The following TRUB1 variants were observed in gnomAD, a reference collection of about 807,000 sequenced individuals.
The protein encoded by TRUB1 is TruB pseudouridine synthase family member 1.
In TRUB1, 23 loss-of-function variants were observed where a neutral mutation model predicts 33.9. The ratio of observed to expected loss-of-function variants is 0.68; its 90% confidence interval spans 0.49 to 0.96. The LOEUF is 0.96. TRUB1 is among the 40% of genes least tolerant of loss of function. The probability of loss-of-function intolerance (pLI) is 0.00; values close to 1 mark genes in which losing one functional copy is unlikely to be tolerated. For synonymous variants in TRUB1, 163 were observed against 165.4 expected (o/e 0.99, Z 0.11); for missense variants, 378 against 422.2 (o/e 0.90, Z 0.92).
chr10:114,944,594 G>A (rs576391421), intron 2 of TRUB1, among the ~76,000 whole-genome samples: 1 of 152,072 alleles, frequency 6.6e-6, no homozygotes, highest in Non-Finnish European at 1.5e-5. Flanking sequence ...AGGAGACAGA[G>A]GTTGCAGTGA....
chr10:114,948,977 T>A (rs1002281367), intron 2 of TRUB1, among the ~76,000 whole-genome samples: 1 of 152,274 alleles, frequency 6.6e-6, no homozygotes, highest in African/African-American at 2.4e-5. Context: ...CCGAAATGCT[T>A]GAATGAAGCA....
intron 2 of TRUB1, among the ~76,000 whole-genome samples, chr10:114,945,492 C>T (rs754564523): frequency 1.3e-5 from 2 of 152,118 alleles, no homozygotes; most frequent in Non-Finnish European, 2.9e-5. Flanking sequence ...TTTCGGGTGG[C>T]GGTTCTTCAT....
At position 114,938,310 on chromosome 10, in the gene TRUB1, C is replaced by A; in HGVS notation, c.57C>A (p.Ser19=). The change falls in exon 1 of 8, where the codon TCC becomes TCA. Residue 19 remains serine (S), a synonymous_variant. Coordinates refer to ENST00000298746, the MANE Select transcript of TRUB1 (RefSeq NM_139169.5). ...VSSPSLKTDT[S]PVLETAGTVA... ...CGCCGTCTTTGAAAACAGACACATC[C>A]CCTGTCCTTGAAACTGCAGGAACGG... 1.9e-6 allele frequency: 3 copies of A among 1,614,214 alleles called. No individual in the cohort carries two copies. Among genetic ancestry groups the A allele is most frequent in the Non-Finnish European group, 2.5e-6 (3 of 1,180,030 alleles).
chr10:114,944,086 G>A (rs937485542), intron 2 of TRUB1, among the ~76,000 whole-genome samples: 1 of 149,540 alleles, frequency 6.7e-6, no homozygotes, highest in Admixed American at 6.7e-5. Context: ...CACAGGCTAG[G>A]GTATATTTTA....
chr10:114,957,748 G>T (rs1050044209), intron 3 of TRUB1, among the ~76,000 whole-genome samples: 1 of 152,134 alleles, frequency 6.6e-6, no homozygotes, highest in Admixed American at 6.6e-5. Context: ...ACATGTTAAG[G>T]TTCCTAGTTC....
intron 3 of TRUB1, among the ~76,000 whole-genome samples, chr10:114,958,858 G>C (rs2084272974): frequency 2.0e-5 from 3 of 152,194 alleles, no homozygotes; most frequent in African/African-American, 7.2e-5. Flanking sequence ...GGCCGGGCGT[G>C]GTGGCTCACG....
intron 3 of TRUB1, among the ~76,000 whole-genome samples, chr10:114,952,528 C>T (rs1564698705): frequency 6.6e-6 from 1 of 152,110 alleles, no homozygotes; most frequent in Admixed American, 6.5e-5. Flanking sequence ...TACATAGATA[C>T]ATAGATTGAT....
chr10:114,949,870 CA>C (rs1465779439), intron 2 of TRUB1, among the ~76,000 whole-genome samples: 1 of 150,080 alleles, frequency 6.7e-6, no homozygotes, highest in Non-Finnish European at 1.5e-5. Flanking sequence ...CATCTATCAA[CA>C]GGGGTAATTA....
At chr10:114,940,448 T>G (rs1201119573) in intron 1 of TRUB1, among the ~76,000 whole-genome samples, 1 of 152,198 alleles carries the variant, frequency 6.6e-6, no homozygotes, top group Admixed American at 6.5e-5. Context: ...GATACCTACA[T>G]TCTAATGCCA....
intron 4 of TRUB1, among the ~76,000 whole-genome samples, chr10:114,966,016 G>A (rs2084306195): frequency 6.6e-6 from 1 of 151,944 alleles, no homozygotes; most frequent in South Asian, 2.1e-4. Flanking sequence ...ACAGCTTTCT[G>A]AAGTATAATT....
chr10:114,939,051 G>T (rs771683842), intron 1 of TRUB1, among the ~76,000 whole-genome samples: 1 of 152,220 alleles, frequency 6.6e-6, no homozygotes, highest in Non-Finnish European at 1.5e-5. Flanking sequence ...CCGAGATTGT[G>T]ATTCGGAGAG....
chr10:114,973,221 A>C (rs2084344820), intron 6 of TRUB1, among the ~76,000 whole-genome samples: 2 of 152,214 alleles, frequency 1.3e-5, no homozygotes, highest in South Asian at 4.1e-4. Context: ...AAACACACTT[A>C]GGAAGGTTGT....
chr10:114,942,983 C>T (rs1207537686), intron 2 of TRUB1, among the ~76,000 whole-genome samples: 1 of 152,222 alleles, frequency 6.6e-6, no homozygotes, highest in Non-Finnish European at 1.5e-5. Flanking sequence ...AGGTTTCTCT[C>T]TGTGCAGAAA....
At chr10:114,970,490 G>A in intron 5 of TRUB1, 50 bp downstream of exon 5, 2 of 1,321,488 alleles carry the variant, frequency 1.5e-6, no homozygotes, top group African/African-American at 1.4e-5. Flanking sequence ...CTTTTCCAAT[G>A]GTTAACATCA....
At chr10:114,967,677 T>G (rs186439004) in intron 4 of TRUB1, among the ~76,000 whole-genome samples, 39 of 152,356 alleles carry the variant, frequency 2.6e-4, no homozygotes, top group African/African-American at 9.1e-4. Context: ...ATATGTTTAT[T>G]CTGCCTAGTT....
intron 3 of TRUB1, among the ~76,000 whole-genome samples, chr10:114,951,774 T>C (rs1346351289): frequency 6.6e-6 from 1 of 152,110 alleles, no homozygotes; most frequent in Non-Finnish European, 1.5e-5. Flanking sequence ...AATGAGTAAT[T>C]AGGTGCTGGT....
intron 4 of TRUB1, among the ~76,000 whole-genome samples, chr10:114,969,976 G>A (rs192500116): frequency 4.2e-4 from 64 of 152,214 alleles, no homozygotes; most frequent in African/African-American, 1.5e-3. Flanking sequence ...AAGAACTTAC[G>A]GGGATTATTT....
chr10:114,966,977 G>A (rs2084311389), intron 4 of TRUB1, among the ~76,000 whole-genome samples: 1 of 152,106 alleles, frequency 6.6e-6, no homozygotes, highest in African/African-American at 2.4e-5. Context: ...TCTTCATTCT[G>A]GATGGTTGAA....
At chr10:114,950,002 G>T (rs1054186862) in intron 2 of TRUB1, among the ~76,000 whole-genome samples, 1 of 150,704 alleles carries the variant, frequency 6.6e-6, no homozygotes, top group African/African-American at 2.4e-5. Flanking sequence ...GGGTTCAAGC[G>T]ATTCTCCTGC....
Sources: gnomAD v4.1 joint callset for allele counts (sites outside exome capture counted in the v4.1 genomes callset) on GRCh38, gnomAD v4.1.1 for gene constraint, MANE v1.5 for transcripts, NCBI Gene and HGNC (gene_info 2026-07-23, HGNC 2026-07-21) for gene names.